Variants in NRG3 observed in about 807,000 individuals in gnomAD.
The protein encoded by NRG3 is neuregulin 3.
A neutral mutation model predicts 66.9 loss-of-function variants in NRG3; 31 were observed. The observed-to-expected ratio is 0.46, with a 90% CI of 0.35 to 0.63. The LOEUF is 0.63. Among genes scored for constraint, NRG3 ranks in the 20% least tolerant of loss-of-function variants. The probability of loss-of-function intolerance (pLI) is 0.00; values close to 1 mark genes in which losing one functional copy is unlikely to be tolerated. For synonymous variants in NRG3, 393 were observed against 359.4 expected (o/e 1.09, Z -1.06); for missense variants, 910 against 878.9 (o/e 1.04, Z -0.45).
At chr10:81,996,950 TTTG>T (rs2060962546) in intron 1 of NRG3, among the ~76,000 whole-genome samples, 1 of 152,104 alleles carries the variant, frequency 6.6e-6, no homozygotes, top group Non-Finnish European at 1.5e-5. Flanking sequence ...AAAAAAATAA[TTTG>T]TTATTATTCT....
At chr10:82,306,171 T>C (rs2134873371) in intron 1 of NRG3, among the ~76,000 whole-genome samples, 1 of 152,324 alleles carries the variant, frequency 6.6e-6, no homozygotes, top group African/African-American at 2.4e-5. Flanking sequence ...TGAACTATGC[T>C]TGGATTATTT....
At chr10:82,648,323 G>A (rs1247620653) in intron 2 of NRG3, among the ~76,000 whole-genome samples, 13 of 151,710 alleles carry the variant, frequency 8.6e-5, no homozygotes, top group African/African-American at 2.9e-4. Context: ...GTAGATATGC[G>A]GCATTATTTC....
At chr10:81,931,314 T>C (rs943128111) in intron 1 of NRG3, among the ~76,000 whole-genome samples, 4 of 152,156 alleles carry the variant, frequency 2.6e-5, no homozygotes, top group Non-Finnish European at 4.4e-5. Flanking sequence ...TCAAAGACTC[T>C]TCTATTACCT....
chr10:82,446,135 C>A (rs2090709152), intron 2 of NRG3, among the ~76,000 whole-genome samples: 1 of 152,216 alleles, frequency 6.6e-6, no homozygotes, highest in Admixed American at 6.6e-5. Context: ...AAACTCCCTT[C>A]ACATTTCAGG....
chr10:82,308,390 G>A lies in NRG3; in HGVS notation c.824-50349G>A, dbSNP rs568085716. ...AGGCATGAGCCACCATGCCCAGCCA[G>A]AAGGCCATTTTTGATGGGGCTCTCT... On this transcript the variant is annotated intron_variant, in intron 1 of 8. Transcript: ENST00000372141. 8.9e-4 allele frequency among the ~76,000 whole-genome samples: 136 copies of A among 152,214 alleles called. 1 individual carries two copies. The highest frequency in any genetic ancestry group is 3.0e-3 in the African/African-American group (124 of 41,530).
intron 1 of NRG3, among the ~76,000 whole-genome samples, chr10:82,035,635 A>G (rs2062761942): frequency 6.6e-6 from 1 of 152,118 alleles, no homozygotes; most frequent in African/African-American, 2.4e-5. Context: ...TACTGGAAAG[A>G]TATTTCTCAT....
chr10:82,335,927 G>T (rs370117544), intron 1 of NRG3, among the ~76,000 whole-genome samples: 7 of 152,254 alleles, frequency 4.6e-5, no homozygotes, highest in African/African-American at 1.2e-4. Context: ...GGTAAATTGT[G>T]TAAGGGGTCA....
intron 2 of NRG3, among the ~76,000 whole-genome samples, chr10:82,397,260 G>A (rs1468995438): frequency 6.6e-6 from 1 of 152,158 alleles, no homozygotes; most frequent in African/African-American, 2.4e-5. Flanking sequence ...TGCTAATATT[G>A]TATAATCTGG....
chr10:82,734,664 C>T (rs1033960096), intron 2 of NRG3, among the ~76,000 whole-genome samples: 2 of 152,056 alleles, frequency 1.3e-5, no homozygotes, highest in African/African-American at 4.8e-5. Context: ...CAACTATGCC[C>T]TTCCCTACAG....
chr10:82,259,172 C>T (rs907066109), intron 1 of NRG3, among the ~76,000 whole-genome samples: 2 of 152,060 alleles, frequency 1.3e-5, no homozygotes, highest in African/African-American at 2.4e-5. Flanking sequence ...TGCCATTGAT[C>T]GAAAATCTGA....
At chr10:82,889,357 T>G (rs1268115232) in intron 4 of NRG3, among the ~76,000 whole-genome samples, 1 of 152,160 alleles carries the variant, frequency 6.6e-6, no homozygotes, top group Non-Finnish European at 1.5e-5. Context: ...CTTCAGTAAC[T>G]GAAAAGATGT....
chr10:82,130,711 C>T (rs2068762720), intron 1 of NRG3, among the ~76,000 whole-genome samples: 1 of 152,038 alleles, frequency 6.6e-6, no homozygotes, highest in Admixed American at 6.6e-5. Context: ...TTGTTATTGC[C>T]TGTCTTTGGA....
At chr10:82,150,577 C>T (rs2070663884) in intron 1 of NRG3, among the ~76,000 whole-genome samples, 1 of 143,548 alleles carries the variant, frequency 7.0e-6, no homozygotes, top group Non-Finnish European at 1.5e-5. Context: ...GCAAAAAACT[C>T]TCAGTCTAAA....
chr10:82,158,124 G>A (rs2071317079), intron 1 of NRG3, among the ~76,000 whole-genome samples: 1 of 151,712 alleles, frequency 6.6e-6, no homozygotes, highest in Non-Finnish European at 1.5e-5. Flanking sequence ...TTTTTCTAGA[G>A]TGGTAACTGA....
At chr10:82,815,562 C>T (rs1272629354) in intron 3 of NRG3, among the ~76,000 whole-genome samples, 2 of 152,076 alleles carry the variant, frequency 1.3e-5, no homozygotes, top group Non-Finnish European at 2.9e-5. Flanking sequence ...TTTTCCTCTC[C>T]TGATGTCATG....
chr10:82,037,653 C>T (rs1425819989), intron 1 of NRG3, among the ~76,000 whole-genome samples: 1 of 152,112 alleles, frequency 6.6e-6, no homozygotes, highest in Non-Finnish European at 1.5e-5. Context: ...TACTAGAAGA[C>T]ATCACGATGA....
chr10:82,665,682 T>C (rs2052715039), intron 2 of NRG3, among the ~76,000 whole-genome samples: 1 of 152,208 alleles, frequency 6.6e-6, no homozygotes, highest in African/African-American at 2.4e-5. Flanking sequence ...CTTAGATTCC[T>C]TGGCCCATCA....
rs572710846 is a variant in NRG3 at position 82,048,240 on chromosome 10, C to T, written c.823+172077C>T. Among the ~76,000 whole-genome samples the T allele has an allele frequency of 3.9e-3, 589 of 152,182 alleles. 1 individual carries two copies. The highest frequency in any genetic ancestry group is 6.3e-3 in the Non-Finnish European group (430 of 68,012). On this transcript the variant is annotated intron_variant, in intron 1 of 8. Transcript: ENST00000372141. ...CCAGGAATTGAGCTCAGCTCTGCACCAAGAGGACCTAATAGACATCTACAG... is the reference window on the plus strand; with the variant it reads ...CCAGGAATTGAGCTCAGCTCTGCACTAAGAGGACCTAATAGACATCTACAG...
Position 82,362,550 on chromosome 10 carries a change from T to TTTG in NRG3, c.953+3684_953+3685insGTT, listed in dbSNP as rs1564840181. On this transcript the variant is annotated intron_variant, in intron 2 of 8. Coordinates refer to ENST00000372141, the MANE Select transcript of NRG3 (RefSeq NM_001010848.4). ...CACCATGCCCAGATAATTTCTGGGT[T>TTTG]TTTTTTTTTTTTTTTTTTTCGTAGA... 8.2e-5 allele frequency among the ~76,000 whole-genome samples: 8 copies of TTTG among 97,672 alleles called. 1 individual carries two copies. In the East Asian group the frequency reaches 3.1e-3, roughly 38 times the overall value. The allele number at this position is 97,672 out of a possible 152,430, so 64.1% of individuals were successfully genotyped here.
Sources: gnomAD v4.1 joint callset for allele counts (sites outside exome capture counted in the v4.1 genomes callset) on GRCh38, gnomAD v4.1.1 for gene constraint, MANE v1.5 for transcripts, NCBI Gene and HGNC (gene_info 2026-07-23, HGNC 2026-07-21) for gene names.